The following LHFPL3 variants were observed in gnomAD, a reference collection of about 807,000 sequenced individuals.
LHFPL3 encodes the protein LHFPL tetraspan subfamily member 3.
In LHFPL3, 5 loss-of-function variants were observed where a neutral mutation model predicts 19.3. The observed-to-expected ratio is 0.26, with a 90% confidence interval of 0.14 to 0.54. The LOEUF (loss-of-function observed/expected upper bound fraction) is 0.54. Ranked by LOEUF, LHFPL3 falls within the 20% of genes least tolerant of loss-of-function variation. The pLI is 0.94. For synonymous variants in LHFPL3, 133 were observed against 126.2 expected (o/e 1.05, Z -0.36); for missense variants, 249 against 307.4 (o/e 0.81, Z 1.42).
intron 2 of LHFPL3, among the ~76,000 whole-genome samples, chr7:104,780,476 G>A (rs187562002): frequency 7.2e-5 from 11 of 152,164 alleles, no homozygotes; most frequent in African/African-American, 1.4e-4. Flanking sequence ...GTAAGGCACC[G>A]GTGACAGTAT....
In LHFPL3 at chr7:104,550,355, G is replaced by C. The variant is rs1010167248; in HGVS notation, c.446-186320G>C. Among the ~76,000 whole-genome samples, 43 of 151,912 alleles carry C rather than the reference G, an allele frequency of 2.8e-4. 2 individuals carry two copies. Among genetic ancestry groups the C allele is most frequent in the Admixed American group, 2.5e-3 (38 of 15,248 alleles). On this transcript the variant is annotated intron_variant, in intron 1 of 2. Transcript: ENST00000424859. ...TCACAGCAGTCATTTTTGTTCTGGG[G>C]AGAAGAATAGAGAGTGGGATGGGGC... is the stretch of plus-strand genomic sequence containing the variant.
At chr7:104,801,814 C>T (rs1790252434) in intron 2 of LHFPL3, among the ~76,000 whole-genome samples, 1 of 152,256 alleles carries the variant, frequency 6.6e-6, no homozygotes, top group South Asian at 2.1e-4. Context: ...TCATGATCCG[C>T]CCACTTCAGC....
At chr7:104,396,190 T>G (rs947913202) in intron 1 of LHFPL3, among the ~76,000 whole-genome samples, 8 of 152,210 alleles carry the variant, frequency 5.3e-5, no homozygotes, top group African/African-American at 1.7e-4. Context: ...CTTGTACCTA[T>G]TCTAGATTCT....
intron 1 of LHFPL3, among the ~76,000 whole-genome samples, chr7:104,466,427 A>T (rs989088664): frequency 1.3e-5 from 2 of 148,860 alleles, no homozygotes; most frequent in African/African-American, 5.2e-5. Context: ...ATTGGAGACA[A>T]GAGAAATATG....
At chr7:104,740,953 C>G (rs1029427036) in intron 2 of LHFPL3, among the ~76,000 whole-genome samples, 1 of 152,026 alleles carries the variant, frequency 6.6e-6, no homozygotes, top group South Asian at 2.1e-4. Flanking sequence ...TACATGAATT[C>G]TAAAATATGT....
intron 2 of LHFPL3, among the ~76,000 whole-genome samples, chr7:104,776,196 C>A (rs899267077): frequency 1.3e-5 from 2 of 152,218 alleles, no homozygotes; most frequent in Admixed American, 1.3e-4. Context: ...CCAAAGTCAT[C>A]CAGGCTCCGA....
At chr7:104,520,949 C>G (rs1794046521) in intron 1 of LHFPL3, among the ~76,000 whole-genome samples, 1 of 149,590 alleles carries the variant, frequency 6.7e-6, no homozygotes, top group Non-Finnish European at 1.5e-5. Context: ...CTATTTCCTT[C>G]AGTTCTTCTC....
intron 1 of LHFPL3, among the ~76,000 whole-genome samples, chr7:104,669,775 C>A (rs1411834299): frequency 6.6e-6 from 1 of 152,082 alleles, no homozygotes; most frequent in Admixed American, 6.5e-5. Flanking sequence ...TGGAGAATTG[C>A]CAATACAGCC....
chr7:104,688,678 G>A (rs1038739021), intron 1 of LHFPL3, among the ~76,000 whole-genome samples: 2 of 152,092 alleles, frequency 1.3e-5, no homozygotes, highest in African/African-American at 2.4e-5. Context: ...GGCCTCCCCT[G>A]AGGCAGTTGC....
intron 1 of LHFPL3, among the ~76,000 whole-genome samples, chr7:104,710,663 T>TG (rs1031075530): frequency 1.2e-4 from 18 of 152,160 alleles, no homozygotes; most frequent in African/African-American, 4.3e-4. Context: ...TTCTATAAAA[T>TG]GGGGGTAATA....
chr7:104,573,409 CAA>C (rs11310724), intron 1 of LHFPL3, among the ~76,000 whole-genome samples: 48 of 112,626 alleles, frequency 4.3e-4, no homozygotes, highest in East Asian at 8.1e-4. Context: ...AAGACCATCT[CAA>C]AAAAAAAAAA....
chr7:104,703,455 C>T (rs1793137369), intron 1 of LHFPL3, among the ~76,000 whole-genome samples: 1 of 152,148 alleles, frequency 6.6e-6, no homozygotes, highest in Admixed American at 6.5e-5. Flanking sequence ...AACCTAAGAG[C>T]ACAAAGTTTT....
intron 1 of LHFPL3, among the ~76,000 whole-genome samples, chr7:104,709,617 C>G (rs1253666784): frequency 2.0e-5 from 3 of 151,176 alleles, no homozygotes; most frequent in African/African-American, 7.3e-5. Context: ...AATGGAGTCT[C>G]CCATGTCTAC....
rs184906917 is a variant in LHFPL3 at position 104,609,268 on chromosome 7, A to C, written c.446-127407A>C. Among the ~76,000 whole-genome samples, 3 of 152,136 alleles carry C rather than the reference A, an allele frequency of 2.0e-5. No individual in the cohort carries two copies. The South Asian group carries it at 6.2e-4, about 32-fold the overall frequency. On this transcript the variant is annotated intron_variant, in intron 1 of 2. Coordinates refer to ENST00000424859, the MANE Select transcript of LHFPL3 (RefSeq NM_199000.3). Reference sequence around the variant, plus strand: ...TGACAGAGCAAGATGCTGTCAAAAAAAAAAGAAAAGAAAAAAAAAGTTAGC... The same window carrying C: ...TGACAGAGCAAGATGCTGTCAAAAACAAAAGAAAAGAAAAAAAAAGTTAGC...
intron 1 of LHFPL3, chr7:104,668,901 G>T (rs1792417734): frequency 6.2e-7 from 1 of 1,612,280 alleles, no homozygotes; most frequent in South Asian, 1.1e-5. Flanking sequence ...AAGAGAAGTT[G>T]CAGCGTCAGC....
intron 2 of LHFPL3, among the ~76,000 whole-genome samples, chr7:104,883,101 T>C (rs1372780809): frequency 2.6e-5 from 4 of 152,216 alleles, no homozygotes; most frequent in Non-Finnish European, 5.9e-5. Flanking sequence ...ATCCAATTTA[T>C]TCAGATCAAG....
At chr7:104,735,660 C>T (rs1793799046) in intron 1 of LHFPL3, among the ~76,000 whole-genome samples, 2 of 152,264 alleles carry the variant, frequency 1.3e-5, no homozygotes, top group Non-Finnish European at 1.5e-5. Context: ...ACCCCTTGCA[C>T]TTCCCAGGTG....
At chr7:104,516,260 A>G (rs1339658826) in intron 1 of LHFPL3, among the ~76,000 whole-genome samples, 1 of 151,996 alleles carries the variant, frequency 6.6e-6, no homozygotes, top group African/African-American at 2.4e-5. Flanking sequence ...TTTTGTGAGA[A>G]CTCACTCACT....
intron 2 of LHFPL3, among the ~76,000 whole-genome samples, chr7:104,841,030 T>C (rs1791191981): frequency 6.6e-6 from 1 of 152,124 alleles, no homozygotes; most frequent in Admixed American, 6.5e-5. Flanking sequence ...AGTTCTCCAG[T>C]AGGAGCAATA....
Sources: allele counts gnomAD v4.1 joint callset (sites outside exome capture counted in the v4.1 genomes callset), GRCh38; gene constraint gnomAD v4.1.1; transcripts MANE v1.5; gene names NCBI Gene and HGNC (gene_info 2026-07-23, HGNC 2026-07-21).